DNTTIP1: variants seen among roughly 807,000 people sequenced by gnomAD.
DNTTIP1 encodes the protein deoxynucleotidyltransferase terminal-interacting protein 1.
Under a neutral mutation model 52.9 loss-of-function variants are expected in DNTTIP1, and 22 were observed. The observed-to-expected ratio is 0.42, with a 90% CI of 0.30 to 0.59. DNTTIP1 has a LOEUF of 0.59. Ranked by LOEUF, DNTTIP1 falls within the 20% of genes least tolerant of loss-of-function variation. DNTTIP1 has a pLI of 0.22. For synonymous variants in DNTTIP1, 136 were observed against 155.1 expected (o/e 0.88, Z 0.92); for missense variants, 286 against 435.5 (o/e 0.66, Z 3.06).
chr20:45,807,189 C>G (rs1981678060), intron 10 of DNTTIP1, among the ~76,000 whole-genome samples: 6 of 151,976 alleles, frequency 3.9e-5, no homozygotes, highest in Admixed American at 3.9e-4. Flanking sequence ...GTGGCGCGAT[C>G]TCAGCTCACC....
Position 45,792,661 on chromosome 20 carries a change from C to T in DNTTIP1, c.106-16C>T. ...GTCACAGGCCGCAGTGACATTTGTTCCGTTGGTCCCCACAGAACCCTTGGA... is the reference window on the plus strand; with the variant it reads ...GTCACAGGCCGCAGTGACATTTGTTTCGTTGGTCCCCACAGAACCCTTGGA... On this transcript the variant is annotated splice_polypyrimidine_tract_variant and intron_variant, in intron 1 of 12. Coordinates refer to ENST00000372622, the MANE Select transcript of DNTTIP1 (RefSeq NM_052951.3). 8.8e-6 allele frequency: 14 copies of T among 1,587,862 alleles called. No individual in the cohort carries two copies. Among genetic ancestry groups the T allele is most frequent in the Non-Finnish European group, 1.2e-5 (14 of 1,169,542 alleles).
chr20:45,807,681 T>A (rs1027753513), intron 10 of DNTTIP1, among the ~76,000 whole-genome samples: 1 of 152,202 alleles, frequency 6.6e-6, no homozygotes, highest in African/African-American at 2.4e-5. Flanking sequence ...GTGCAGTGAC[T>A]CACGCCTGTA....
chr20:45,805,489 G>C (rs1417982950), intron 10 of DNTTIP1, 123 bp downstream of exon 10: 1 of 1,058,018 alleles, frequency 9.5e-7, no homozygotes, highest in East Asian at 2.6e-5. Context: ...TTCTAGTTGT[G>C]CCTCTGCCAT....
chr20:45,810,750 C>T (rs910090805), intron 11 of DNTTIP1, 135 bp from the exon 12 acceptor site: 2 of 728,056 alleles, frequency 2.7e-6, no homozygotes, highest in Admixed American at 2.3e-5. Context: ...CTTACTCTTC[C>T]GTACTAAATT....
At chr20:45,796,451 C>G in intron 4 of DNTTIP1, 1 of 470,976 alleles carries the variant, frequency 2.1e-6, no homozygotes, top group Non-Finnish European at 4.4e-6. Context: ...CTGTCTCACC[C>G]CTGCAGGTGC....
chr20:45,801,938 G>C (rs367936627), intron 6 of DNTTIP1, 61 bp from the exon 7 acceptor site: 169 of 1,529,422 alleles, frequency 1.1e-4, no homozygotes, highest in South Asian at 8.7e-4. Context: ...CCCTGGACCT[G>C]CCAATGGGGT....
intron 4 of DNTTIP1, among the ~76,000 whole-genome samples, chr20:45,800,863 G>A (rs959568634): frequency 6.0e-5 from 9 of 149,508 alleles, no homozygotes; most frequent in Admixed American, 4.0e-4. Flanking sequence ...GTATGGTGGC[G>A]CACCCCTGTA....
chr20:45,808,829 G>A (rs745429342), intron 10 of DNTTIP1, among the ~76,000 whole-genome samples: 1 of 152,124 alleles, frequency 6.6e-6, no homozygotes, highest in Non-Finnish European at 1.5e-5. Context: ...AAAAGAGGAA[G>A]CTCTAAAATA....
chr20:45,794,974 A>G (rs1170018542), intron 3 of DNTTIP1, among the ~76,000 whole-genome samples: 1 of 151,458 alleles, frequency 6.6e-6, no homozygotes, highest in Admixed American at 6.6e-5. Context: ...AATTTTTTGT[A>G]TTTTTAGTAG....
intron 10 of DNTTIP1, 146 bp from the exon 11 acceptor site, chr20:45,808,968 A>G (rs1981738567): frequency 7.4e-6 from 5 of 675,200 alleles, no homozygotes; most frequent in African/African-American, 1.8e-5. Flanking sequence ...CTTTCTCTGA[A>G]GAGATTAGTG....
intron 4 of DNTTIP1, among the ~76,000 whole-genome samples, chr20:45,798,388 C>T (rs1189253731): frequency 5.3e-5 from 8 of 151,876 alleles, no homozygotes; most frequent in Non-Finnish European, 1.2e-4. Context: ...TGTTAAATGA[C>T]GAGTTACTGG....
chr20:45,803,624 G>T (rs1981545365), intron 8 of DNTTIP1, among the ~76,000 whole-genome samples: 1 of 152,192 alleles, frequency 6.6e-6, no homozygotes, highest in South Asian at 2.1e-4. Flanking sequence ...GGAGTTAGTG[G>T]TCACTAATAC....
chr20:45,795,400 CA>C lies in DNTTIP1; in HGVS notation c.330del (p.Glu111SerfsTer3). 6.2e-7 allele frequency: 1 copy of C among 1,611,630 alleles called. No homozygotes were observed. Among genetic ancestry groups the C allele is most frequent in the Non-Finnish European group, 8.5e-7 (1 of 1,178,798 alleles). On this transcript the variant is annotated frameshift_variant, in exon 4 of 13. Transcript: ENST00000372622. LOFTEE classifies it high-confidence loss of function. Reference protein sequence around the residue: ...VRDNVGEEVDAEQLIQEACRS... With the variant: ...VRDNVGEEVDXEQLIQEACRS... ...GACAATGTTGGGGAGGAGGTGGACGCAGAGCAGCTGATCCAGGAAGCCTGTC... is the reference window on the plus strand; with the variant it reads ...GACAATGTTGGGGAGGAGGTGGACGCGAGCAGCTGATCCAGGAAGCCTGTC...
In DNTTIP1 at chr20:45,792,663, G is replaced by A; in HGVS notation, c.106-14G>A. ...CACAGGCCGCAGTGACATTTGTTCC[G>A]TTGGTCCCCACAGAACCCTTGGAAC... On this transcript the variant is annotated splice_polypyrimidine_tract_variant and intron_variant, in intron 1 of 12. Coordinates refer to ENST00000372622, the MANE Select transcript of DNTTIP1 (RefSeq NM_052951.3). 2 of 1,588,870 alleles carry A rather than the reference G, an allele frequency of 1.3e-6. No individual in the cohort carries two copies. The highest frequency in any genetic ancestry group is 1.4e-5 in the African/African-American group (1 of 73,678).
At chr20:45,799,639 A>T (rs1981358445) in intron 4 of DNTTIP1, among the ~76,000 whole-genome samples, 1 of 152,108 alleles carries the variant, frequency 6.6e-6, no homozygotes, top group Non-Finnish European at 1.5e-5. Context: ...TCTCTGTCAC[A>T]TCTGCCTGGG....
Position 45,811,238 on chromosome 20 carries a change from CCT to C in DNTTIP1, c.*46_*47del. 6.4e-7 allele frequency: 1 copy of C among 1,565,744 alleles called. No individual in the cohort carries two copies. Among genetic ancestry groups the C allele is most frequent in the Non-Finnish European group, 8.6e-7 (1 of 1,159,318 alleles). On this transcript the variant is annotated 3_prime_UTR_variant, in exon 13 of 13. Transcript: ENST00000372622. Reference sequence around the variant, plus strand: ...ACACTTGGCAGCCCTCCTCCAAAGCCCTCTTCCTCACGTGGCTGAGGCCACCG... The same window carrying C: ...ACACTTGGCAGCCCTCCTCCAAAGCCCTTCCTCACGTGGCTGAGGCCACCG...
At chr20:45,806,425 G>C (rs1361270594) in intron 10 of DNTTIP1, among the ~76,000 whole-genome samples, 2 of 151,766 alleles carry the variant, frequency 1.3e-5, no homozygotes, top group African/African-American at 2.4e-5. Flanking sequence ...CTCCTCTTCT[G>C]AGAGCAGCTA....
At chr20:45,797,497 A>G (rs1421170405) in intron 4 of DNTTIP1, among the ~76,000 whole-genome samples, 1 of 152,220 alleles carries the variant, frequency 6.6e-6, no homozygotes, top group Non-Finnish European at 1.5e-5. Context: ...TAATTAAACT[A>G]AAGAGCTTCT....
intron 10 of DNTTIP1, among the ~76,000 whole-genome samples, chr20:45,808,068 T>A (rs1019151284): frequency 1.3e-5 from 2 of 151,902 alleles, no homozygotes; most frequent in African/African-American, 4.8e-5. Context: ...TTATTTGGGT[T>A]GAGCACAGTA....
Sources: allele counts gnomAD v4.1 joint callset (sites outside exome capture counted in the v4.1 genomes callset), GRCh38; gene constraint gnomAD v4.1.1; transcripts MANE v1.5; gene names NCBI Gene and HGNC (gene_info 2026-07-23, HGNC 2026-07-21).